SLC44A3: variants seen among roughly 807,000 people sequenced by gnomAD.
SLC44A3 encodes choline transporter-like protein 3.
SLC44A3 carries 74 observed loss-of-function variants against 75.4 expected under a neutral mutation model. That is an observed-to-expected ratio of 0.98 (90% CI 0.81 to 1.19). SLC44A3 has a LOEUF of 1.19. Ranked by LOEUF, SLC44A3 falls within the 50% of genes most tolerant of loss-of-function variation. SLC44A3 has a pLI of 0.00. For synonymous variants in SLC44A3, 310 were observed against 296.9 expected (o/e 1.04, Z -0.45); for missense variants, 700 against 778.6 (o/e 0.90, Z 1.20).
chr1:94,829,760 A>G (rs1230280078), intron 5 of SLC44A3, among the ~76,000 whole-genome samples: 1 of 152,228 alleles, frequency 6.6e-6, no homozygotes, highest in Non-Finnish European at 1.5e-5. Flanking sequence ...TCCCTGAGAA[A>G]TAATGATTAT....
At chr1:94,877,130 A>T (rs1042993393) in intron 12 of SLC44A3, among the ~76,000 whole-genome samples, 1 of 151,644 alleles carries the variant, frequency 6.6e-6, no homozygotes, top group African/African-American at 2.4e-5. Flanking sequence ...AGCTGTGTTT[A>T]AAAAAAAGGT....
At chr1:94,881,263 C>T (rs1418115789) in intron 12 of SLC44A3, among the ~76,000 whole-genome samples, 3 of 152,146 alleles carry the variant, frequency 2.0e-5, no homozygotes, top group East Asian at 1.9e-4. Flanking sequence ...CAACAGTGTG[C>T]TTGTGGAGGC....
At chr1:94,888,641 C>CTT (rs370440327) in intron 12 of SLC44A3, 159 of 811,756 alleles carry the variant, frequency 2.0e-4, no homozygotes, top group Middle Eastern at 6.3e-4. Context: ...GTGGAACTTT[C>CTT]TTTTTTTTTT....
At chr1:94,852,876 C>A (rs377512400) in intron 9 of SLC44A3, among the ~76,000 whole-genome samples, 2 of 152,154 alleles carry the variant, frequency 1.3e-5, no homozygotes, top group African/African-American at 4.8e-5. Flanking sequence ...TTGAGTATAG[C>A]ATTTTAGGGG....
chr1:94,860,143 G>T (rs1666402817), intron 10 of SLC44A3, among the ~76,000 whole-genome samples: 1 of 152,142 alleles, frequency 6.6e-6, no homozygotes, highest in South Asian at 2.1e-4. Flanking sequence ...GACAATGCAG[G>T]CTGCAAAAGG....
At chr1:94,862,527 G>C (rs1013380210) in intron 10 of SLC44A3, among the ~76,000 whole-genome samples, 24 of 152,208 alleles carry the variant, frequency 1.6e-4, no homozygotes, top group African/African-American at 5.8e-4. Context: ...CCACAGCTTG[G>C]ATTGATGTGG....
chr1:94,865,157 C>G (rs979557011), intron 11 of SLC44A3, among the ~76,000 whole-genome samples: 2 of 152,008 alleles, frequency 1.3e-5, no homozygotes, highest in African/African-American at 2.4e-5. Context: ...GGGAGTAGTT[C>G]TGAGTTAGCT....
intron 3 of SLC44A3, among the ~76,000 whole-genome samples, chr1:94,825,409 C>A (rs1661177023): frequency 1.3e-5 from 2 of 152,190 alleles, no homozygotes. Context: ...CAGCTCACTG[C>A]AAGCTCTGCC....
Position 94,828,528 on chromosome 1 carries a change from A to C in SLC44A3, c.451A>C (p.Asn151His). 5 of 1,613,960 alleles carry C rather than the reference A, an allele frequency of 3.1e-6. No individual in the cohort carries two copies. The highest frequency in any genetic ancestry group is 4.2e-6 in the Non-Finnish European group (5 of 1,179,912). Residue 151 changes from asparagine to histidine, a missense_variant, in exon 5 of 15, where the codon AAC becomes CAC. Transcript: ENST00000271227. Reference protein sequence around the residue: ...FLCVYSLNSFNYTHSPKADSL... With the variant: ...FLCVYSLNSFHYTHSPKADSL... ...GTGTGTTTATAGTTTGAATTCCTTC[A>C]ACTATACCCACAGTCCAAAAGCAGA...
intron 12 of SLC44A3, among the ~76,000 whole-genome samples, chr1:94,877,776 G>C (rs1314726181): frequency 6.6e-6 from 1 of 152,194 alleles, no homozygotes; most frequent in Non-Finnish European, 1.5e-5. Context: ...GAATGCCTCA[G>C]TTGGCATGGG....
At chr1:94,878,103 G>A (rs1057061515) in intron 12 of SLC44A3, among the ~76,000 whole-genome samples, 24 of 152,030 alleles carry the variant, frequency 1.6e-4, no homozygotes, top group Non-Finnish European at 2.5e-4. Context: ...GCGAGGTGGC[G>A]GGCGCCTGTA....
At chr1:94,856,364 C>G (rs772550187) in intron 9 of SLC44A3, among the ~76,000 whole-genome samples, 1 of 152,136 alleles carries the variant, frequency 6.6e-6, no homozygotes, top group East Asian at 1.9e-4. Flanking sequence ...AGCCAAATAA[C>G]TTGTCCAGGG....
intron 14 of SLC44A3, among the ~76,000 whole-genome samples, 189 bp from the exon 15 acceptor site, chr1:94,894,629 C>T (rs1557901898): frequency 6.6e-6 from 1 of 152,176 alleles, no homozygotes; most frequent in Non-Finnish European, 1.5e-5. Context: ...ATTATCTGTA[C>T]CCCATTTAGA....
rs1420365186 is a variant in SLC44A3, at chr1:94,844,904, C to T, written c.886-374C>T. Among the ~76,000 whole-genome samples, 3 of 152,168 alleles carry T rather than the reference C, an allele frequency of 2.0e-5. 1 individual carries two copies. Among genetic ancestry groups the T allele is most frequent in the Non-Finnish European group, 4.4e-5 (3 of 68,038 alleles). On this transcript the variant is annotated intron_variant, in intron 8 of 14. Coordinates refer to ENST00000271227, the MANE Select transcript of SLC44A3 (RefSeq NM_001114106.3). ...AAGGTGGCTTTGAGTCTTTTTGCCT[C>T]ATACTCATATTCCCTTGACTTTTGC...
rs2101688228 is a variant in SLC44A3, at chr1:94,892,387, A to G, written c.1727A>G (p.Tyr576Cys). ...VPLLLVAFFA[Y>C]LVAHSFLSVF... The stretch of plus-strand genomic sequence containing the variant: ...CTGTTATTGGTAGCTTTTTTTGCCT[A>G]CTTAGTAGCCCATAGTTTTTTATCT... Residue 576 changes from tyrosine (Y) to cysteine (C), a missense_variant, in exon 14 of 15, where the codon TAC (tyrosine) becomes TGC (cysteine). By Grantham distance (194) the Tyr-to-Cys change is radical. Transcript: ENST00000271227. The G allele has an allele frequency of 1.2e-6, 2 of 1,614,102 alleles. No homozygotes were observed. The highest frequency in any genetic ancestry group is 1.1e-5 in the South Asian group (1 of 91,080).
chr1:94,884,263 C>T (rs1181903610), intron 12 of SLC44A3, among the ~76,000 whole-genome samples: 1 of 139,158 alleles, frequency 7.2e-6, no homozygotes, highest in African/African-American at 2.6e-5. Context: ...TCCTGGTGAC[C>T]GGTGCATTCC....
intron 9 of SLC44A3, among the ~76,000 whole-genome samples, chr1:94,846,165 T>C (rs1232445965): frequency 8.9e-6 from 1 of 112,820 alleles, no homozygotes. Flanking sequence ...AAAAAAAAAG[T>C]GTTATGCCCA....
rs138621809 is a variant in SLC44A3, at chr1:94,842,106, C to T, written c.867C>T (p.Ile289=). The change falls in exon 8 of 15, where the codon ATC becomes ATT. Residue 289 remains isoleucine (I), a synonymous_variant. Coordinates refer to ENST00000271227, the MANE Select transcript of SLC44A3 (RefSeq NM_001114106.3). ...TGAAGTGCGTGCTGGGGTTTGCTAT[C>T]GTATCCACAGGCATCACGGTAAGAA... ...ENMKCVLGFA[I]VSTGITAVLL... is the part of the protein sequence containing the mutation. The T allele has an allele frequency of 3.4e-5, 55 of 1,610,366 alleles. No individual in the cohort carries two copies. In the East Asian group the frequency reaches 6.5e-4, roughly 19 times the overall value.
intron 12 of SLC44A3, chr1:94,889,368 T>C (rs1233203443): frequency 6.6e-6 from 1 of 152,198 alleles, no homozygotes; most frequent in Non-Finnish European, 1.5e-5. Context: ...AGTATTCTCA[T>C]GTATTTTCCC....
Sources: allele counts gnomAD v4.1 joint callset (sites outside exome capture counted in the v4.1 genomes callset), GRCh38; gene constraint gnomAD v4.1.1; transcripts MANE v1.5; gene names NCBI Gene and HGNC (gene_info 2026-07-23, HGNC 2026-07-21).